Variants in TIE1 observed in about 807,000 individuals in gnomAD.
TIE1 encodes the protein tyrosine-protein kinase receptor Tie-1.
In TIE1, 89 loss-of-function variants were observed where a neutral mutation model predicts 130.5. The observed-to-expected ratio is 0.68, with a 90% CI of 0.57 to 0.81. The LOEUF (loss-of-function observed/expected upper bound fraction) is 0.81. Ranked by LOEUF, TIE1 falls within the 40% of genes least tolerant of loss-of-function variation. The pLI is 0.00. For synonymous variants in TIE1, 568 were observed against 629.4 expected, an observed-to-expected ratio of 0.90 and a Z score of 1.46; for missense variants, 1,392 against 1,559.8, an observed-to-expected ratio of 0.89 and a Z score of 1.81.
In TIE1 at chr1:43,301,005, A is replaced by T. The variant is rs183595918; in HGVS notation, c.-67A>T. Reference sequence around the variant, plus strand: ...CCACACTGACCAACACAGGCTGAGCAGTCAGGCCCACAGCATCTGACCCCA... The same window carrying T: ...CCACACTGACCAACACAGGCTGAGCTGTCAGGCCCACAGCATCTGACCCCA... On this transcript the variant is annotated 5_prime_UTR_variant, in exon 1 of 23. Transcript: ENST00000372476. 1 of 1,510,276 alleles carries T rather than the reference A, an allele frequency of 6.6e-7. No homozygotes were observed. The highest frequency in any genetic ancestry group is 9.1e-7 in the Non-Finnish European group (1 of 1,104,230). The allele number at this position is 1,510,276 out of a possible 1,614,324, so 93.6% of individuals were successfully genotyped here.
Position 43,322,543 on chromosome 1 carries a change from A to G in TIE1, c.3346-108A>G. 1.2e-6 allele frequency: 1 copy of G among 830,474 alleles called. No homozygotes were observed. The highest frequency in any genetic ancestry group is 1.6e-5 in the South Asian group (1 of 64,332). The allele number at this position is 830,474 out of a possible 1,614,324, so 51.4% of individuals were successfully genotyped here. On this transcript the variant is annotated intron_variant, in intron 22 of 22. Coordinates refer to ENST00000372476, the MANE Select transcript of TIE1 (RefSeq NM_005424.5). The surrounding 1 kb of genome is among the most constrained non-coding windows in gnomAD (Gnocchi z 4.0). ...GGCCATGGGGCCATCTTAGGTCTCC[A>G]GAACAAATCAGTGTCAGTTCAAATG...
intron 9 of TIE1, among the ~76,000 whole-genome samples, chr1:43,311,202 T>C (rs533103725): frequency 6.6e-6 from 1 of 152,066 alleles, no homozygotes; most frequent in African/African-American, 2.4e-5. Flanking sequence ...TAATGCAGGG[T>C]AATGTGCCCT....
At position 43,312,849 on chromosome 1, in the gene TIE1, G is replaced by A. The variant is rs1488763785; in HGVS notation, c.1927+248G>A. ...GCATGGGGAGGTCAGGGTTCATGGCGAGAACCAGGGTCATGGGAGGGCATG... is the reference window on the plus strand; with the variant it reads ...GCATGGGGAGGTCAGGGTTCATGGCAAGAACCAGGGTCATGGGAGGGCATG... On this transcript the variant is annotated intron_variant, in intron 12 of 22. Coordinates refer to ENST00000372476, the MANE Select transcript of TIE1 (RefSeq NM_005424.5). The surrounding 1 kb of genome is among the most constrained non-coding windows in gnomAD (Gnocchi z 5.6). Among the ~76,000 whole-genome samples the A allele has an allele frequency of 1.5e-4, 23 of 152,094 alleles. No homozygotes were observed. The highest frequency in any genetic ancestry group is 6.6e-5 in the Admixed American group (1 of 15,262).
Position 43,317,813 on chromosome 1 carries a change from A to G in TIE1, c.2732-69A>G. ...TCCTCCTTCATCCCTGTCTGTTACCATCGGGTGCCTGCTCCCACCCTAGGT... is the reference window on the plus strand; with the variant it reads ...TCCTCCTTCATCCCTGTCTGTTACCGTCGGGTGCCTGCTCCCACCCTAGGT... On this transcript the variant is annotated intron_variant, in intron 16 of 22. Coordinates refer to ENST00000372476, the MANE Select transcript of TIE1 (RefSeq NM_005424.5). This position sits in a 1 kb window ranked among gnomAD's most constrained non-coding sequence, Gnocchi z 5.1. The G allele has an allele frequency of 6.4e-7, 1 of 1,552,644 alleles. No individual in the cohort carries two copies. The highest frequency in any genetic ancestry group is 8.9e-7 in the Non-Finnish European group (1 of 1,129,636).
chr1:43,314,894 G>A (rs562926455), intron 14 of TIE1, among the ~76,000 whole-genome samples: 2 of 152,298 alleles, frequency 1.3e-5, no homozygotes, highest in Admixed American at 1.3e-4. Context: ...CCTTATGGAA[G>A]GAGGCATATT....
rs953702041 is a variant in TIE1 at position 43,318,098 on chromosome 1, G to A, written c.2922+26G>A. On this transcript the variant is annotated intron_variant, in intron 17 of 22. Transcript: ENST00000372476. This position sits in a 1 kb window ranked among gnomAD's most constrained non-coding sequence, Gnocchi z 4.4. ...GTGTGTGTGAGTGGGGGCGGGTGGA[G>A]GCCAGAGGGGGAAGCCACTGGGCTG... 11 of 1,518,544 alleles carry A rather than the reference G, an allele frequency of 7.2e-6. No homozygotes were observed. The highest frequency in any genetic ancestry group is 8.8e-6 in the Non-Finnish European group (10 of 1,134,174). The allele number at this position is 1,518,544 out of a possible 1,614,324, so 94.1% of individuals were successfully genotyped here.
At position 43,308,825 on chromosome 1, in the gene TIE1, G is replaced by A. The variant is rs189242885; in HGVS notation, c.1043-161G>A. On this transcript the variant is annotated intron_variant, in intron 7 of 22. Transcript: ENST00000372476. ...TAGACTTTGCAGCTGATGGGATGTGGGGCTGGGACGCTGGAGGAGTCATGC... is the reference window on the plus strand; with the variant it reads ...TAGACTTTGCAGCTGATGGGATGTGAGGCTGGGACGCTGGAGGAGTCATGC... 1,543 of 901,608 alleles carry A rather than the reference G, an allele frequency of 1.7e-3. 14 individuals are homozygous for A. Among genetic ancestry groups the A allele is most frequent in the Middle Eastern group, 0.015 (62 of 4,264 alleles). 55.9% of individuals were successfully genotyped at this position (901,608 alleles called of 1,614,324 possible). A position where few individuals can be genotyped will look rare whatever the true frequency, so the allele number is the denominator to read the frequency against.
rs756608606 is a variant in TIE1 at position 43,305,165 on chromosome 1, G to A, written c.373G>A (p.Ala125Thr). Residue 125 changes from alanine (A) to threonine (T), a missense_variant and splice_region_variant, in exon 2 of 23, where the codon GCC becomes ACC. Ala to Thr is a moderately conservative substitution (Grantham distance 58, BLOSUM62 0). This residue lies in a region of TIE1 where 415 missense variants were observed against 424.8 expected (regional missense o/e 0.98). Transcript: ENST00000372476. ...CATCTACGTGCACAACAGCCCTGGA[G>A]GTGAGTTAGGCAGGCGGGGGGATGG... ...RVIYVHNSPG[A>T]HLLPDKVTHT... 5.0e-6 allele frequency: 8 copies of A among 1,614,098 alleles called. No individual in the cohort carries two copies. Among genetic ancestry groups the A allele is most frequent in the South Asian group, 3.3e-5 (3 of 91,082 alleles).
chr1:43,313,654 C>A lies in TIE1; in HGVS notation c.2219-124C>A. ...CCCCTCATCCCTTCCTTCATGTGGC[C>A]CAAGTGATTTCCTGACAGTCCTGGC... On this transcript the variant is annotated intron_variant, in intron 13 of 22. Transcript: ENST00000372476. The surrounding 1 kb of genome is among the most constrained non-coding windows in gnomAD (Gnocchi z 6.2). 8.5e-7 allele frequency: 1 copy of A among 1,178,770 alleles called. No individual in the cohort carries two copies. The highest frequency in any genetic ancestry group is 1.2e-6 in the Non-Finnish European group (1 of 855,144). 73.0% of individuals were successfully genotyped at this position (1,178,770 alleles called of 1,614,324 possible). A position where few individuals can be genotyped will look rare whatever the true frequency, so the allele number is the denominator to read the frequency against.
At position 43,312,565 on chromosome 1, in the gene TIE1, G is replaced by A. The variant is rs768972983; in HGVS notation, c.1891G>A (p.Ala631Thr). 1.9e-6 allele frequency: 3 copies of A among 1,611,982 alleles called. No homozygotes were observed. Among genetic ancestry groups the A allele is most frequent in the Non-Finnish European group, 2.5e-6 (3 of 1,179,312 alleles). ...CTACCACTGCACCCTCCTGGGCCCG[G>A]CCTCGCCCCCTGCACACGTGCTTCT... ...QLYHCTLLGP[A>T]SPPAHVLLPP... Residue 631 changes from alanine to threonine, a missense_variant, in exon 12 of 23, where the codon GCC (alanine) becomes ACC (threonine). Coordinates refer to ENST00000372476, the MANE Select transcript of TIE1 (RefSeq NM_005424.5). This position sits in a 1 kb window ranked among gnomAD's most constrained non-coding sequence, Gnocchi z 5.6.
rs962557986 is a variant in TIE1 at position 43,313,864 on chromosome 1, G to A, written c.2305G>A (p.Val769Met). The A allele has an allele frequency of 7.4e-6, 12 of 1,613,938 alleles. No individual in the cohort carries two copies. The highest frequency in any genetic ancestry group is 9.3e-6 in the Non-Finnish European group (11 of 1,179,990). The stretch of plus-strand genomic sequence containing the variant: ...GCTGATCCTGGCGGTGGTGGGCTCC[G>A]TGTCTGCCACCTGCCTCACCATCCT... ...QQLILAVVGS[V>M]SATCLTILAA... Residue 769 changes from valine (V) to methionine (M), a missense_variant, in exon 14 of 23, where the codon GTG (valine) becomes ATG (methionine). Val to Met is a conservative substitution (Grantham distance 21, BLOSUM62 1). Transcript: ENST00000372476. This position sits in a 1 kb window ranked among gnomAD's most constrained non-coding sequence, Gnocchi z 6.2.
At position 43,307,245 on chromosome 1, in the gene TIE1, T is replaced by C; in HGVS notation, c.744T>C (p.Pro248=). The change falls in exon 5 of 23, where the codon CCT becomes CCC. Residue 248 remains proline, a synonymous_variant. Transcript: ENST00000372476. This position sits in a 1 kb window ranked among gnomAD's most constrained non-coding sequence, Gnocchi z 5.4. ...ATGACGGCGAATGTGTATGCCCCCC[T>C]GGCTTCACTGGCACCCGCTGTGAAC... ...HDHDGECVCP[P]GFTGTRCEQA... 6.2e-7 allele frequency: 1 copy of C among 1,614,038 alleles called. No homozygotes were observed. The highest frequency in any genetic ancestry group is 8.5e-7 in the Non-Finnish European group (1 of 1,179,924).
chr1:43,321,036 A>T (rs1200064159), intron 19 of TIE1, among the ~76,000 whole-genome samples: 2 of 84,258 alleles, frequency 2.4e-5, no homozygotes, highest in Middle Eastern at 7.6e-3. Context: ...CTGTCTCAAA[A>T]AAAAAAAAAA....
chr1:43,319,880 G>A lies in TIE1; in HGVS notation c.3107+351G>A. ...CTCATCTTCCTCCCTGAAGGGCAAG[G>A]TCATGCCCACCTGAGGATCTTACCA... On this transcript the variant is annotated intron_variant, in intron 19 of 22. Coordinates refer to ENST00000372476, the MANE Select transcript of TIE1 (RefSeq NM_005424.5). The surrounding 1 kb of genome is among the most constrained non-coding windows in gnomAD (Gnocchi z 4.7). 1 of 326,718 alleles carries A rather than the reference G, an allele frequency of 3.1e-6. No homozygotes were observed. The highest frequency in any genetic ancestry group is 7.5e-5 in the East Asian group (1 of 13,386). The allele number at this position is 326,718 out of a possible 1,614,324, so 20.2% of individuals were successfully genotyped here.
intron 1 of TIE1, among the ~76,000 whole-genome samples, chr1:43,302,671 T>A (rs1261328812): frequency 6.6e-6 from 1 of 151,996 alleles, no homozygotes; most frequent in Non-Finnish European, 1.5e-5. Context: ...CGTGGGAGCA[T>A]CACGGGGCTT....
In TIE1 at chr1:43,313,479, C is replaced by G. The variant is rs1646823338; in HGVS notation, c.2218+54C>G. ...CGGGCTCTGAGCGGGGAGAGCTCAGCACGCTCTCCTTCCACATCACCCCCT... is the reference window on the plus strand; with the variant it reads ...CGGGCTCTGAGCGGGGAGAGCTCAGGACGCTCTCCTTCCACATCACCCCCT... On this transcript the variant is annotated intron_variant, in intron 13 of 22. Transcript: ENST00000372476. This position sits in a 1 kb window ranked among gnomAD's most constrained non-coding sequence, Gnocchi z 6.2. The G allele has an allele frequency of 6.3e-7, 1 of 1,585,634 alleles. No individual in the cohort carries two copies. Among genetic ancestry groups the G allele is most frequent in the African/African-American group, 1.3e-5 (1 of 74,422 alleles).
intron 19 of TIE1, among the ~76,000 whole-genome samples, chr1:43,321,032 CAAAAA>C (rs752698629): frequency 5.1e-5 from 5 of 97,372 alleles, no homozygotes; most frequent in Non-Finnish European, 7.8e-5. Context: ...GACCCTGTCT[CAAAAA>C]AAAAAAAAAA....
Position 43,313,202 on chromosome 1 carries a change from G to A in TIE1, c.1995G>A (p.Lys665=), listed in dbSNP as rs766790802. Residue 665 remains lysine, a synonymous_variant, in exon 13 of 23, where the codon AAG becomes AAA. Coordinates refer to ENST00000372476, the MANE Select transcript of TIE1 (RefSeq NM_005424.5). The surrounding 1 kb of genome is among the most constrained non-coding windows in gnomAD (Gnocchi z 6.2). The stretch of plus-strand genomic sequence containing the variant: ...ACTCCGAGATCCAGCTGACATGGAA[G>A]CACCCGGAGGCTCTGCCTGGGCCAA... ...LSDSEIQLTW[K]HPEALPGPIS... is the part of the protein sequence containing the mutation. 15 of 1,613,726 alleles carry A rather than the reference G, an allele frequency of 9.3e-6. No individual in the cohort carries two copies. The Admixed American group carries it at 2.3e-4, about 25-fold the overall frequency.
chr1:43,318,010 C>T lies in TIE1; in HGVS notation c.2860C>T (p.Arg954Trp), dbSNP rs753548750. The change falls in exon 17 of 23, where the codon CGG becomes TGG. Residue 954 changes from arginine (R) to tryptophan (W), a missense_variant. Coordinates refer to ENST00000372476, the MANE Select transcript of TIE1 (RefSeq NM_005424.5). This position sits in a 1 kb window ranked among gnomAD's most constrained non-coding sequence, Gnocchi z 4.4. ...TGGGACAGCCTCTACCCTTAGCTCC[C>T]GGCAGCTGCTGCGTTTCGCCAGTGA... ...EHGTASTLSS[R>W]QLLRFASDAA... The T allele has an allele frequency of 5.0e-6, 8 of 1,595,492 alleles. No homozygotes were observed. The highest frequency in any genetic ancestry group is 6.8e-6 in the Non-Finnish European group (8 of 1,170,242).
Sources: allele counts gnomAD v4.1 joint callset (sites outside exome capture counted in the v4.1 genomes callset), GRCh38; gene constraint gnomAD v4.1.1; regional missense constraint gnomAD v4.1.1; non-coding constraint Gnocchi (gnomAD v3.1); transcripts MANE v1.5; gene names NCBI Gene and HGNC (gene_info 2026-07-23, HGNC 2026-07-21).